RBFOX1: variants seen among roughly 807,000 people sequenced by gnomAD.
RBFOX1 encodes RNA binding protein fox-1 homolog 1.
In RBFOX1, 8 loss-of-function variants were observed where a neutral mutation model predicts 57.7. The ratio of observed to expected loss-of-function variants is 0.14; its 90% confidence interval spans 0.08 to 0.25. The LOEUF (loss-of-function observed/expected upper bound fraction) is 0.25, where lower values mean the gene tolerates loss of function less well. RBFOX1 is among the 10% of genes least tolerant of loss of function. RBFOX1 has a pLI of 1.00. For missense variants in RBFOX1, 611 were observed against 548.5 expected (o/e 1.11, Z -1.14); for synonymous variants, 326 against 222.4 (o/e 1.47, Z -4.15).
At position 6,837,312 on chromosome 16, in the gene RBFOX1, A is replaced by G. The variant is rs552541460; in HGVS notation, c.-16+182662A>G. Among the ~76,000 whole-genome samples, 35 of 152,284 alleles carry G rather than the reference A, an allele frequency of 2.3e-4. No homozygotes were observed. In the South Asian group the frequency reaches 2.7e-3, roughly 12 times the overall value. On this transcript the variant is annotated intron_variant, in intron 3 of 15. Coordinates refer to ENST00000550418, the MANE Select transcript of RBFOX1 (RefSeq NM_018723.4). ...GTGGCTCAAGACCCAGGCTGCTTCC[A>G]TTTTGTAGATGTGCCACCTGGCTGA...
At chr16:7,241,123 G>A (rs111440549) in intron 4 of RBFOX1, among the ~76,000 whole-genome samples, 3 of 152,122 alleles carry the variant, frequency 2.0e-5, no homozygotes, top group Non-Finnish European at 4.4e-5. Flanking sequence ...CTTGAGACCC[G>A]AGGCAGAAGT....
At chr16:6,662,663 G>A (rs143574780) in intron 3 of RBFOX1, among the ~76,000 whole-genome samples, 2 of 151,248 alleles carry the variant, frequency 1.3e-5, no homozygotes, top group Non-Finnish European at 2.9e-5. Flanking sequence ...AAAAAAAAAA[G>A]AAAAAAAACC....
At chr16:5,833,600 T>C (rs1295446521) in intron 3 of RBFOX1, among the ~76,000 whole-genome samples, 1 of 151,952 alleles carries the variant, frequency 6.6e-6, no homozygotes, top group Non-Finnish European at 1.5e-5. Context: ...GCTGATACAG[T>C]GTGGCCAATT....
intron 4 of RBFOX1, among the ~76,000 whole-genome samples, chr16:7,333,783 C>T (rs779738135): frequency 4.6e-5 from 7 of 151,618 alleles, no homozygotes; most frequent in Admixed American, 2.6e-4. Flanking sequence ...TTTTCCCCCT[C>T]ATCATAAGGT....
chr16:7,647,794 G>A (rs930977536), intron 11 of RBFOX1, among the ~76,000 whole-genome samples: 1 of 152,092 alleles, frequency 6.6e-6, no homozygotes, highest in Non-Finnish European at 1.5e-5. Context: ...CCCACTTACT[G>A]GATCTAGACT....
intron 4 of RBFOX1, among the ~76,000 whole-genome samples, chr16:7,244,222 G>A (rs1172480862): frequency 8.4e-6 from 1 of 119,658 alleles, no homozygotes; most frequent in African/African-American, 3.2e-5. Flanking sequence ...TTCAGAGTCT[G>A]TTCTAGGAAA....
intron 3 of RBFOX1, 86 bp downstream of exon 3, chr16:6,654,736 C>G: frequency 2.0e-6 from 2 of 1,004,610 alleles, no homozygotes; most frequent in Non-Finnish European, 2.8e-6. Flanking sequence ...ATGCCCCTCT[C>G]GATGATGGTT....
At chr16:7,271,254 A>T (rs903266270) in intron 4 of RBFOX1, among the ~76,000 whole-genome samples, 7 of 151,188 alleles carry the variant, frequency 4.6e-5, no homozygotes, top group Non-Finnish European at 1.0e-4. Context: ...CTAATGTTTG[A>T]TCTCTGTCCT....
intron 1 of RBFOX1, among the ~76,000 whole-genome samples, chr16:6,221,301 G>A (rs1184793431): frequency 6.6e-6 from 1 of 152,108 alleles, no homozygotes; most frequent in Non-Finnish European, 1.5e-5. Context: ...AATAGAAACT[G>A]TATCACTGCT....
intron 2 of RBFOX1, among the ~76,000 whole-genome samples, chr16:5,577,786 C>A (rs1384046476): frequency 6.6e-6 from 1 of 152,158 alleles, no homozygotes; most frequent in Non-Finnish European, 1.5e-5. Context: ...CACCAGGCGG[C>A]ATAATAGAAG....
chr16:6,779,767 A>ATACATT (rs1238791014), intron 3 of RBFOX1, among the ~76,000 whole-genome samples: 1 of 5,460 alleles, frequency 1.8e-4, no homozygotes, highest in African/African-American at 1.2e-3. Context: ...ATATATTTAT[A>ATACATT]TATATATTTA....
chr16:6,678,974 A>G (rs1183664074), intron 3 of RBFOX1, among the ~76,000 whole-genome samples: 1 of 152,152 alleles, frequency 6.6e-6, no homozygotes. Context: ...GTGAGACTCT[A>G]ATTTCTTTCT....
chr16:5,496,126 A>G lies in RBFOX1; in HGVS notation c.258+28872A>G, dbSNP rs372505098. On this transcript the variant is annotated intron_variant, in intron 2 of 2. Transcript: ENST00000585867. ...GGGTGACAGTGCGAGACTCCATCTC[A>G]AAAAGAAAAGAAAAGAAAAGAAAGA... Among the ~76,000 whole-genome samples the G allele has an allele frequency of 2.2e-4, 29 of 130,690 alleles. 1 individual carries two copies. The highest frequency in any genetic ancestry group is 4.1e-4 in the Non-Finnish European group (23 of 55,832). The allele number at this position is 130,690 out of a possible 152,430, so 85.7% of individuals were successfully genotyped here. A position where few individuals can be genotyped will look rare whatever the true frequency, so the allele number is the denominator to read the frequency against.
At chr16:6,869,842 G>T (rs897754483) in intron 3 of RBFOX1, among the ~76,000 whole-genome samples, 2 of 152,082 alleles carry the variant, frequency 1.3e-5, no homozygotes, top group Non-Finnish European at 2.9e-5. Flanking sequence ...CTGCTTCACG[G>T]GAATCAGGAA....
At chr16:7,041,920 CTA>C (rs148006991) in intron 3 of RBFOX1, among the ~76,000 whole-genome samples, 14,318 of 152,132 alleles carry the variant, frequency 0.094, 1,100 homozygotes, top group East Asian at 0.32. Context: ...CATATTATCT[CTA>C]TGGTACAAAT....
chr16:5,840,392 G>A (rs1438951219), intron 3 of RBFOX1, among the ~76,000 whole-genome samples: 2 of 152,144 alleles, frequency 1.3e-5, no homozygotes, highest in Admixed American at 6.5e-5. Context: ...GTCTGAGGGC[G>A]CATGAGATGA....
chr16:5,328,833 A>G (rs1406748940), intron 1 of RBFOX1, among the ~76,000 whole-genome samples: 2 of 152,164 alleles, frequency 1.3e-5, no homozygotes, highest in African/African-American at 4.8e-5. Flanking sequence ...TCACAAAGAG[A>G]AGGGAGAACT....
chr16:6,950,782 G>T (rs530899200), intron 3 of RBFOX1, among the ~76,000 whole-genome samples: 4 of 152,206 alleles, frequency 2.6e-5, no homozygotes, highest in African/African-American at 9.6e-5. Context: ...TTAATATTGT[G>T]GCAGAATGCT....
At chr16:6,161,419 C>A (rs537585197) in intron 1 of RBFOX1, among the ~76,000 whole-genome samples, 2 of 150,886 alleles carry the variant, frequency 1.3e-5, no homozygotes, top group African/African-American at 4.9e-5. Context: ...TTGATTAGTT[C>A]GTCAGTAAAT....
Sources: allele counts gnomAD v4.1 joint callset (sites outside exome capture counted in the v4.1 genomes callset), GRCh38; gene constraint gnomAD v4.1.1; transcripts MANE v1.5; gene names NCBI Gene and HGNC (gene_info 2026-07-23, HGNC 2026-07-21).